Variants in TG observed in about 807,000 individuals in gnomAD.
TG encodes thyroglobulin.
Under a neutral mutation model 324.7 loss-of-function variants are expected in TG, and 270 were observed. That is an observed-to-expected ratio of 0.83 (90% CI 0.75 to 0.92). The LOEUF (loss-of-function observed/expected upper bound fraction) is 0.92. Ranked by LOEUF, TG falls within the 40% of genes least tolerant of loss-of-function variation. The pLI, the probability that TG is intolerant of heterozygous loss-of-function variation, is 0.00. For missense variants in TG, 3,591 were observed against 3,456.4 expected (o/e 1.04, Z -0.98); for synonymous variants, 1,401 against 1,327.0 (o/e 1.06, Z -1.21).
intron 23 of TG, among the ~76,000 whole-genome samples, chr8:132,932,463 G>T (rs186221501): frequency 6.6e-6 from 1 of 152,206 alleles, no homozygotes; most frequent in Non-Finnish European, 1.5e-5. Flanking sequence ...CACAGACTGT[G>T]CTGATTTTTA....
At chr8:133,040,742 G>C (rs1838064471) in intron 41 of TG, among the ~76,000 whole-genome samples, 1 of 152,134 alleles carries the variant, frequency 6.6e-6, no homozygotes, top group Admixed American at 6.5e-5. Flanking sequence ...GTGAGAGGGA[G>C]AAGGAGGAAG....
chr8:132,972,717 C>G lies in TG; in HGVS notation c.6175C>G (p.Pro2059Ala). The G allele has an allele frequency of 6.2e-7, 1 of 1,614,060 alleles. No individual in the cohort carries two copies. The highest frequency in any genetic ancestry group is 8.5e-7 in the Non-Finnish European group (1 of 1,180,000). The change falls in exon 34 of 48, where the codon CCC becomes GCC. Residue 2059 changes from proline to alanine, a missense_variant. Physicochemically the swap from Pro to Ala is conservative, Grantham distance 27 (BLOSUM62 -1). Transcript: ENST00000220616. ...TCCTGACATTGAAGTCCACACCTAT[C>G]CCTTCGGATGGTACCAGAAGCCCAG... ...GSPDIEVHTYPFGWYQKPIAQ... is the reference protein window; with the variant it reads ...GSPDIEVHTYAFGWYQKPIAQ...
chr8:132,906,663 C>G, intron 16 of TG, 25 bp from the exon 17 acceptor site: 1 of 1,613,018 alleles, frequency 6.2e-7, no homozygotes, highest in Non-Finnish European at 8.5e-7. Flanking sequence ...AGGTGCCCAC[C>G]ACGGCTCCAC....
At chr8:132,902,314 T>C (rs1429844091) in intron 16 of TG, among the ~76,000 whole-genome samples, 2 of 152,228 alleles carry the variant, frequency 1.3e-5, no homozygotes, top group Non-Finnish European at 2.9e-5. Context: ...TTCTAATCTC[T>C]AAGCAACATT....
At chr8:133,054,235 AAGAGG>A (rs1253580449) in intron 41 of TG, among the ~76,000 whole-genome samples, 1 of 152,104 alleles carries the variant, frequency 6.6e-6, no homozygotes, top group Non-Finnish European at 1.5e-5. Flanking sequence ...TGAGGCAGAG[AAGAGG>A]AGAGTTGAGG....
At position 132,994,138 on chromosome 8, in the gene TG, A is replaced by G. The variant is rs576136130; in HGVS notation, c.6262+10726A>G. Among the ~76,000 whole-genome samples the G allele has an allele frequency of 1.3e-3, 192 of 152,258 alleles. 1 individual carries two copies. The highest frequency in any genetic ancestry group is 1.9e-3 in the Non-Finnish European group (132 of 68,014). Reference sequence around the variant, plus strand: ...AATCCCAAGGCAGGACACTGTGATGAAAAAGTGGTTTCTCTTTCCTTCTCA... The same window carrying G: ...AATCCCAAGGCAGGACACTGTGATGGAAAAGTGGTTTCTCTTTCCTTCTCA... On this transcript the variant is annotated intron_variant, in intron 35 of 47. Coordinates refer to ENST00000220616, the MANE Select transcript of TG (RefSeq NM_003235.5).
intron 41 of TG, among the ~76,000 whole-genome samples, chr8:133,086,977 A>G (rs551067817): frequency 6.6e-6 from 1 of 152,160 alleles, no homozygotes; most frequent in African/African-American, 2.4e-5. Flanking sequence ...GTAAATAAAT[A>G]AGTAATGATA....
intron 44 of TG, among the ~76,000 whole-genome samples, chr8:133,115,133 G>A (rs1850570994): frequency 6.7e-6 from 1 of 149,444 alleles, no homozygotes; most frequent in Admixed American, 6.6e-5. Flanking sequence ...AAAAACCTAG[G>A]TTCTTGCCTT....
chr8:132,982,585 A>C (rs1831018541), intron 34 of TG, among the ~76,000 whole-genome samples: 1 of 152,218 alleles, frequency 6.6e-6, no homozygotes, highest in Non-Finnish European at 1.5e-5. Context: ...GTCCATATCC[A>C]GTCTGTCTGC....
intron 41 of TG, among the ~76,000 whole-genome samples, chr8:133,088,895 T>A (rs1356193334): frequency 1.3e-5 from 2 of 150,956 alleles, no homozygotes; most frequent in Non-Finnish European, 2.9e-5. Flanking sequence ...ACAAGATGAT[T>A]TTAGTGTAGA....
At chr8:132,981,717 A>G (rs1348143336) in intron 34 of TG, among the ~76,000 whole-genome samples, 1 of 152,106 alleles carries the variant, frequency 6.6e-6, no homozygotes, top group East Asian at 1.9e-4. Context: ...GGAATCAGAC[A>G]CTCTGGGGTG....
At chr8:132,901,995 C>T (rs572034380) in intron 16 of TG, among the ~76,000 whole-genome samples, 1 of 152,050 alleles carries the variant, frequency 6.6e-6, no homozygotes, top group Non-Finnish European at 1.5e-5. Context: ...TTGAAATGTA[C>T]ATCACATCAA....
At chr8:133,085,171 C>T (rs185881602) in intron 41 of TG, among the ~76,000 whole-genome samples, 110 of 152,172 alleles carry the variant, frequency 7.2e-4, no homozygotes, top group African/African-American at 2.6e-3. Context: ...AAAAATATAC[C>T]AAGGTATAAT....
At chr8:133,034,135 A>G (rs1476840646) in intron 41 of TG, among the ~76,000 whole-genome samples, 2 of 152,194 alleles carry the variant, frequency 1.3e-5, no homozygotes, top group South Asian at 2.1e-4. Context: ...GTATTTTAGA[A>G]TAAGCTTATT....
intron 41 of TG, among the ~76,000 whole-genome samples, chr8:133,039,447 A>G (rs890860858): frequency 1.3e-5 from 2 of 152,334 alleles, no homozygotes; most frequent in Admixed American, 6.5e-5. Context: ...TTGATTTGCC[A>G]ATGGGATGTC....
rs544445983 is a variant in TG at position 132,958,915 on chromosome 8, A to G, written c.5402-2093A>G. Among the ~76,000 whole-genome samples, 15 of 152,290 alleles carry G rather than the reference A, an allele frequency of 9.8e-5. No homozygotes were observed. In the East Asian group the frequency reaches 2.9e-3, roughly 29 times the overall value. ...GGTCTCCTCTGCAGTGTGGAGGACAAGGAGGACAAATCCAGTAATTGCAGA... is the reference window on the plus strand; with the variant it reads ...GGTCTCCTCTGCAGTGTGGAGGACAGGGAGGACAAATCCAGTAATTGCAGA... On this transcript the variant is annotated intron_variant, in intron 27 of 47. Coordinates refer to ENST00000220616, the MANE Select transcript of TG (RefSeq NM_003235.5).
chr8:133,059,218 C>G (rs1456952880), intron 41 of TG: 1 of 445,142 alleles, frequency 2.2e-6, no homozygotes, highest in Non-Finnish European at 4.5e-6. Context: ...ACACCAGGCC[C>G]CAAATGCTAC....
chr8:133,097,274 A>G (rs1848567688), intron 43 of TG, among the ~76,000 whole-genome samples: 1 of 152,240 alleles, frequency 6.6e-6, no homozygotes, highest in Non-Finnish European at 1.5e-5. Flanking sequence ...TTTGGGTAAT[A>G]TATTTCACCT....
intron 45 of TG, among the ~76,000 whole-genome samples, chr8:133,119,415 A>T (rs1188417355): frequency 6.6e-6 from 1 of 152,232 alleles, no homozygotes; most frequent in Non-Finnish European, 1.5e-5. Flanking sequence ...GATAATTTAT[A>T]AACAACGTAA....
Sources: gnomAD v4.1 joint callset for allele counts (sites outside exome capture counted in the v4.1 genomes callset) on GRCh38, gnomAD v4.1.1 for gene constraint, MANE v1.5 for transcripts, NCBI Gene and HGNC (gene_info 2026-07-23, HGNC 2026-07-21) for gene names.